The following RNASEL variants were observed in gnomAD, a reference collection of about 807,000 sequenced individuals.
RNASEL encodes the protein ribonuclease L.
In RNASEL, 36 loss-of-function variants were observed where a neutral mutation model predicts 50.9. The observed-to-expected ratio is 0.71, with a 90% confidence interval of 0.54 to 0.93. RNASEL has a LOEUF of 0.93. Ranked by LOEUF, RNASEL falls within the 40% of genes least tolerant of loss-of-function variation. The probability of loss-of-function intolerance (pLI) is 0.00; values close to 1 mark genes in which losing one functional copy is unlikely to be tolerated. For missense variants in RNASEL, 860 were observed against 894.5 expected (o/e 0.96, Z 0.49); for synonymous variants, 335 against 335.6 (o/e 1.00, Z 0.02).
chr1:182,580,918 T>C lies in RNASEL; in HGVS notation c.1905+307A>G, dbSNP rs996114692. ...TCAGCTGCTCGTGCCATAATGGCAA[T>C]AGGATTATCAGCTAAGTGAGGGAAA... On this transcript the variant is annotated intron_variant, in intron 5 of 6. Coordinates refer to ENST00000367559, the MANE Select transcript of RNASEL (RefSeq NM_021133.4). Among the ~76,000 whole-genome samples the C allele has an allele frequency of 4.0e-5, 6 of 151,724 alleles. 1 individual carries two copies. Among genetic ancestry groups the C allele is most frequent in the Non-Finnish European group, 7.4e-5 (5 of 68,018 alleles).
intron 5 of RNASEL, chr1:182,579,193 C>A: frequency 2.1e-6 from 2 of 966,382 alleles, no homozygotes; most frequent in Non-Finnish European, 2.5e-6. Context: ...ATCCATGTAA[C>A]AAAACTATAC....
chr1:182,577,464 A>G (rs1430694607), intron 5 of RNASEL, among the ~76,000 whole-genome samples: 1 of 152,178 alleles, frequency 6.6e-6, no homozygotes, highest in Non-Finnish European at 1.5e-5. Context: ...CCTGGCAACC[A>G]TGGCCAAAGT....
intron 2 of RNASEL, among the ~76,000 whole-genome samples, chr1:182,584,527 T>C (rs1188054874): frequency 2.0e-5 from 3 of 152,212 alleles, no homozygotes; most frequent in Non-Finnish European, 2.9e-5. Context: ...TGCATGTCTA[T>C]GGATAAGGTA....
chr1:182,578,874 T>G (rs1661440106), intron 5 of RNASEL: 2 of 152,230 alleles, frequency 1.3e-5, no homozygotes, highest in East Asian at 3.8e-4. Flanking sequence ...AAAGAAAATG[T>G]GTCTGGGCCA....
At chr1:182,584,294 A>G (rs1424662565) in intron 2 of RNASEL, 128 bp from the exon 3 acceptor site, 4 of 715,320 alleles carry the variant, frequency 5.6e-6, no homozygotes, top group South Asian at 3.0e-5. Flanking sequence ...AATAAACCTT[A>G]TATCTGTATT....
In RNASEL at chr1:182,581,290, T is replaced by G. The variant is rs372151650; in HGVS notation, c.1840A>C (p.Ile614Leu). 6.2e-7 allele frequency: 1 copy of G among 1,614,030 alleles called. No homozygotes were observed. Among genetic ancestry groups the G allele is most frequent in the Non-Finnish European group, 8.5e-7 (1 of 1,180,040 alleles). ...DIKTRKSESE[I>L]LRLLQPGPSE... ...GGCCCAGGTTGCAGTAGTCTGAGGA[T>G]CTCACTTTCAGATTTTCGTGTTTTG... Residue 614 changes from isoleucine (I) to leucine (L), a missense_variant, in exon 5 of 7, where the codon ATC becomes CTC. By Grantham distance (5) the Ile-to-Leu change is conservative (BLOSUM62 2). Coordinates refer to ENST00000367559, the MANE Select transcript of RNASEL (RefSeq NM_021133.4).
Position 182,585,844 on chromosome 1 carries a change from G to T in RNASEL, c.963C>A (p.Leu321=). The change falls in exon 2 of 7, where the codon CTC becomes CTA. Residue 321 remains leucine (L), a synonymous_variant. Transcript: ENST00000367559. ...NYDHSLVKVL[L]SHGAKEDFHP... ...GAAAATCTTCTTTGGCTCCATGAGA[G>T]AGAAGAACCTTCACAAGGGAATGGT... The T allele has an allele frequency of 6.2e-7, 1 of 1,613,416 alleles. No homozygotes were observed. Among genetic ancestry groups the T allele is most frequent in the Admixed American group, 1.7e-5 (1 of 59,900 alleles).
chr1:182,581,314 T>C lies in RNASEL; in HGVS notation c.1816A>G (p.Lys606Glu). Residue 606 changes from lysine to glutamate, a missense_variant, in exon 5 of 7, where the codon AAA becomes GAA. Lys to Glu is a moderately conservative substitution (Grantham distance 56). Transcript: ENST00000367559. ...ATCTCACTTTCAGATTTTCGTGTTT[T>C]GATGTCGGATTCATTTCCCACATTC... is the stretch of plus-strand genomic sequence containing the variant. The part of the protein sequence containing the change: ...LRNVGNESDI[K>E]TRKSESEILR... 6.2e-7 allele frequency: 1 copy of C among 1,614,102 alleles called. No individual in the cohort carries two copies.
chr1:182,575,585 T>C lies in RNASEL; in HGVS notation c.2040-7A>G, dbSNP rs1571261983. The C allele has an allele frequency of 1.2e-6, 2 of 1,614,100 alleles. No homozygotes were observed. Among genetic ancestry groups the C allele is most frequent in the Middle Eastern group, 1.7e-4 (1 of 6,060 alleles). On this transcript the variant is annotated splice_polypyrimidine_tract_variant and splice_region_variant and intron_variant, in intron 6 of 6. Coordinates refer to ENST00000367559, the MANE Select transcript of RNASEL (RefSeq NM_021133.4). ...TCCAATTTTTAATTTCATCCTGAAA[T>C]AAAACACAAATTGTTCAGCATGCTT...
rs769162880 is a variant in RNASEL, at chr1:182,585,958, G to T, written c.849C>A (p.Leu283=). 3.1e-6 allele frequency: 5 copies of T among 1,614,146 alleles called. No homozygotes were observed. In the Admixed American group the frequency reaches 8.3e-5, roughly 27 times the overall value. Reference sequence around the variant, plus strand: ...GCAACTCGGCGATTTTCTTCAGTTTGAGTTCAACAGCAAGCAGCAGTGCTG... The same window carrying T: ...GCAACTCGGCGATTTTCTTCAGTTTTAGTTCAACAGCAAGCAGCAGTGCTG... ...GKTALLLAVE[L]KLKKIAELLC... is the part of the protein sequence containing the mutation. The change falls in exon 2 of 7, where the codon CTC becomes CTA. Residue 283 remains leucine, a synonymous_variant. Coordinates refer to ENST00000367559, the MANE Select transcript of RNASEL (RefSeq NM_021133.4).
intron 4 of RNASEL, 83 bp downstream of exon 4, chr1:182,581,970 G>C (rs1234668346): frequency 7.9e-7 from 1 of 1,257,916 alleles, no homozygotes; most frequent in African/African-American, 1.5e-5. Context: ...TGGGTCTCCT[G>C]ATTTGCAGCC....
rs559178331 is a variant in RNASEL, at chr1:182,574,136, A to G, written c.*1256T>C. On this transcript the variant is annotated 3_prime_UTR_variant, in exon 7 of 7. Transcript: ENST00000367559. Reference sequence around the variant, plus strand: ...ACATTATAAAGCACCAGAAAAACGTAAGACAGTATTATTATTCATGTACGA... The same window carrying G: ...ACATTATAAAGCACCAGAAAAACGTGAGACAGTATTATTATTCATGTACGA... 4.6e-6 allele frequency: 1 copy of G among 219,532 alleles called. No individual in the cohort carries two copies. The highest frequency in any genetic ancestry group is 1.9e-4 in the South Asian group (1 of 5,388). 13.6% of individuals were successfully genotyped at this position (219,532 alleles called of 1,614,324 possible).
In RNASEL at chr1:182,581,211, G is replaced by A; in HGVS notation, c.1905+14C>T. ...TTCCTGGACTAACCCCTGCACTATA[G>A]GAATTGTTCATACCTTAGTCGTCCA... On this transcript the variant is annotated intron_variant, in intron 5 of 6. Transcript: ENST00000367559. 2 of 1,614,100 alleles carry A rather than the reference G, an allele frequency of 1.2e-6. No homozygotes were observed. The highest frequency in any genetic ancestry group is 1.7e-6 in the Non-Finnish European group (2 of 1,180,002).
At chr1:182,578,916 GT>G (rs1661440505) in intron 5 of RNASEL, 1 of 152,204 alleles carries the variant, frequency 6.6e-6, no homozygotes, top group African/African-American at 2.4e-5. Flanking sequence ...ATGAAATCAT[GT>G]CTTTTGTGGC....
At chr1:182,583,732 T>C (rs1199457254) in intron 3 of RNASEL, among the ~76,000 whole-genome samples, 1 of 152,176 alleles carries the variant, frequency 6.6e-6, no homozygotes, top group East Asian at 1.9e-4. Flanking sequence ...CTTCCTGCCC[T>C]CAAACATCAG....
In RNASEL at chr1:182,586,656, C is replaced by CATTG. The variant is rs765201116; in HGVS notation, c.147_150dup (p.Val51GlnfsTer3). 5.6e-6 allele frequency: 9 copies of CATTG among 1,613,778 alleles called. No homozygotes were observed. The South Asian group carries it at 9.9e-5, about 18-fold the overall frequency. Reference sequence around the variant, plus strand: ...CCCCCTTCCTCTTCCTGGAAATTAACATTGGCTCCACCTTCCAGCAATTGC... The same window carrying CATTG: ...CCCCCTTCCTCTTCCTGGAAATTAACATTGATTGGCTCCACCTTCCAGCAATTGC... On this transcript the variant is annotated frameshift_variant, in exon 2 of 7. Coordinates refer to ENST00000367559, the MANE Select transcript of RNASEL (RefSeq NM_021133.4). LOFTEE classifies it high-confidence loss of function.
rs762325365 is a variant in RNASEL, at chr1:182,582,079, A to T, written c.1746T>A (p.Gly582=). The T allele has an allele frequency of 8.1e-6, 13 of 1,614,088 alleles. No individual in the cohort carries two copies. Among genetic ancestry groups the T allele is most frequent in the Middle Eastern group, 1.6e-4 (1 of 6,082 alleles). The change falls in exon 4 of 7, where the codon GGT becomes GGA. Residue 582 remains glycine, a synonymous_variant. Coordinates refer to ENST00000367559, the MANE Select transcript of RNASEL (RefSeq NM_021133.4). ...TCTCCCAAGTCCAAAAGAAGGGATG[A>T]CCCAGCAGGTCACTCAGACAGTCCC... ...HVRDCLSDLL[G]HPFFWTWESR...
At chr1:182,577,095 G>A (rs111243644) in intron 5 of RNASEL, 6 of 150,092 alleles carry the variant, frequency 4.0e-5, no homozygotes, top group African/African-American at 1.2e-4. Context: ...ATGTTGGCCA[G>A]GCTGGTCTCA....
At chr1:182,581,760 G>A (rs1661502002) in intron 4 of RNASEL, among the ~76,000 whole-genome samples, 2 of 152,114 alleles carry the variant, frequency 1.3e-5, no homozygotes, top group East Asian at 1.9e-4. Context: ...GATTACAGGC[G>A]TGAGCCACCG....
Sources: allele counts gnomAD v4.1 joint callset (sites outside exome capture counted in the v4.1 genomes callset), GRCh38; gene constraint gnomAD v4.1.1; transcripts MANE v1.5; gene names NCBI Gene and HGNC (gene_info 2026-07-23, HGNC 2026-07-21).